Variants in COG3 observed in about 807,000 individuals in gnomAD.
COG3 encodes the protein conserved oligomeric Golgi complex subunit 3.
In COG3, 32 loss-of-function variants were observed where a neutral mutation model predicts 114.1. The ratio of observed to expected loss-of-function variants is 0.28; its 90% CI spans 0.21 to 0.38. COG3 has a LOEUF of 0.38. Among genes scored for constraint, COG3 ranks in the 10% least tolerant of loss-of-function variants. COG3 has a pLI of 1.00. For synonymous variants in COG3, 352 were observed against 365.7 expected (o/e 0.96, Z 0.43); for missense variants, 813 against 973.2 (o/e 0.84, Z 2.19).
In COG3 at chr13:45,465,083, G is replaced by A; in HGVS notation, c.47G>A (p.Arg16Gln). 1 of 1,606,634 alleles carries A rather than the reference G, an allele frequency of 6.2e-7. No homozygotes were observed. Among genetic ancestry groups the A allele is most frequent in the Non-Finnish European group, 8.5e-7 (1 of 1,177,528 alleles). The change falls in exon 1 of 23, where the codon CGG becomes CAG. Residue 16 changes from arginine (R) to glutamine (Q), a missense_variant. Arg to Gln is a conservative substitution (Grantham distance 43, BLOSUM62 1). Coordinates refer to ENST00000349995, the MANE Select transcript of COG3 (RefSeq NM_031431.4). The stretch of plus-strand genomic sequence containing the variant: ...CTGCTGCCTGAGGCGGCGGCGGAGC[G>A]GGACGCTAGGGAAAAGCTGGCTCTC... ...LLLLPEAAAERDAREKLALWD... is the reference protein window; with the variant it reads ...LLLLPEAAAEQDAREKLALWD...
intron 6 of COG3, 76 bp from the exon 7 acceptor site, chr13:45,483,154 A>G (rs759831746): frequency 2.8e-6 from 3 of 1,054,060 alleles, no homozygotes; most frequent in Non-Finnish European, 4.1e-6. Context: ...ACATAGGGAC[A>G]CCTTGGTTTT....
chr13:45,493,726 T>G (rs1449784125), intron 12 of COG3: 2 of 278,768 alleles, frequency 7.2e-6, no homozygotes, highest in Non-Finnish European at 1.3e-5. Context: ...TATAGTCAGT[T>G]TTCTTTCTGG....
Position 45,518,744 on chromosome 13 carries a change from A to G in COG3, c.1931-18A>G, listed in dbSNP as rs547117459. On this transcript the variant is annotated intron_variant, in intron 17 of 22. Coordinates refer to ENST00000349995, the MANE Select transcript of COG3 (RefSeq NM_031431.4). The stretch of plus-strand genomic sequence containing the variant: ...TGAAACTTTACATGTTCACTGGATG[A>G]GTAATTTTGTTTCACAGATGCAGCA... 1 of 1,588,212 alleles carries G rather than the reference A, an allele frequency of 6.3e-7. No homozygotes were observed. Among genetic ancestry groups the G allele is most frequent in the South Asian group, 1.1e-5 (1 of 89,360 alleles).
intron 19 of COG3, among the ~76,000 whole-genome samples, chr13:45,519,481 T>C (rs995341495): frequency 6.6e-6 from 1 of 152,186 alleles, no homozygotes; most frequent in African/African-American, 2.4e-5. Flanking sequence ...GGTGATTTGT[T>C]TTCCTCTTTG....
chr13:45,492,192 T>C lies in COG3; in HGVS notation c.1129T>C (p.Cys377Arg). 1 of 1,611,280 alleles carries C rather than the reference T, an allele frequency of 6.2e-7. No individual in the cohort carries two copies. Among genetic ancestry groups the C allele is most frequent in the Non-Finnish European group, 8.5e-7 (1 of 1,178,720 alleles). ...RSGCAFMVHV[C>R]QDEHQLYNEF... ...TGGCTGTGCCTTCATGGTTCATGTC[T>C]GCCAGGATGAACACCAACTTTACAA... Residue 377 changes from cysteine (C) to arginine (R), a missense_variant, in exon 11 of 23, where the codon TGC becomes CGC. This residue lies in a region of COG3 where 389 missense variants were observed against 542.6 expected (regional missense o/e 0.72). Transcript: ENST00000349995.
chr13:45,527,792 T>C (rs192064770), intron 20 of COG3, among the ~76,000 whole-genome samples: 22 of 152,288 alleles, frequency 1.4e-4, no homozygotes, highest in Non-Finnish European at 2.8e-4. Context: ...GTGTTAGTAA[T>C]GATAGAACCA....
intron 15 of COG3, among the ~76,000 whole-genome samples, 164 bp downstream of exon 15, chr13:45,509,980 A>T (rs905313513): frequency 2.6e-5 from 4 of 152,218 alleles, no homozygotes; most frequent in Admixed American, 1.3e-4. Flanking sequence ...TCTAACCTGA[A>T]CTTTCTATAG....
rs138783665 is a variant in COG3, at chr13:45,472,705, C to T, written c.175-3496C>T. On this transcript the variant is annotated intron_variant, in intron 1 of 22. Coordinates refer to ENST00000349995, the MANE Select transcript of COG3 (RefSeq NM_031431.4). ...TCACATTTCCATTTGACACAGTTTT[C>T]AGTTTTCTGTTGAAATTGTGTATCT... Among the ~76,000 whole-genome samples, 1,340 of 152,204 alleles carry T rather than the reference C, an allele frequency of 8.8e-3. 27 individuals carry two copies. Among genetic ancestry groups the T allele is most frequent in the African/African-American group, 0.03 (1,238 of 41,540 alleles).
chr13:45,509,895 G>A (rs1870666206), intron 15 of COG3, 79 bp downstream of exon 15: 1 of 1,333,378 alleles, frequency 7.5e-7, no homozygotes, highest in Admixed American at 2.2e-5. Context: ...TCTTGATAAA[G>A]TATTTTGTTG....
intron 21 of COG3, among the ~76,000 whole-genome samples, 159 bp from the exon 22 acceptor site, chr13:45,530,523 C>G (rs1219113996): frequency 6.6e-6 from 1 of 152,118 alleles, no homozygotes; most frequent in African/African-American, 2.4e-5. Flanking sequence ...CAGGTCATGC[C>G]AGCACTGAAA....
chr13:45,521,577 G>GCACACACACACA lies in COG3; in HGVS notation c.2154+2497_2154+2508dup, dbSNP rs3084002. On this transcript the variant is annotated intron_variant, in intron 19 of 22. Transcript: ENST00000349995. ...GAGTCAGAGACAAAGATACATACGT[G>GCACACACACACA]CACACACACACACACACACACACAC... is the stretch of plus-strand genomic sequence containing the variant. Among the ~76,000 whole-genome samples, 1,143 of 148,466 alleles carry GCACACACACACA rather than the reference G, an allele frequency of 7.7e-3. 10 individuals carry two copies. Among genetic ancestry groups the GCACACACACACA allele is most frequent in the African/African-American group, 0.025 (1,017 of 40,652 alleles).
At chr13:45,533,761 C>G (rs1344601497) in intron 22 of COG3, among the ~76,000 whole-genome samples, 1 of 152,190 alleles carries the variant, frequency 6.6e-6, no homozygotes, top group Non-Finnish European at 1.5e-5. Flanking sequence ...AGTTAGACAG[C>G]CTTTCTTGAC....
rs1467904162 is a variant in COG3, at chr13:45,529,918, G to A, written c.2358G>A (p.Arg786=). 6.2e-7 allele frequency: 1 copy of A among 1,604,402 alleles called. No individual in the cohort carries two copies. The highest frequency in any genetic ancestry group is 1.3e-5 in the African/African-American group (1 of 74,492). Residue 786 remains arginine, a splice_region_variant and synonymous_variant, in exon 21 of 23, where the codon AGG becomes AGA. Transcript: ENST00000349995. ...DTEFILFKPV[R]NNIQQVFQKF... ...AGTTCATCTTGTTTAAACCTGTGAGGGTGAGTATCAGATAACTCATTTGAA... is the reference window on the plus strand; with the variant it reads ...AGTTCATCTTGTTTAAACCTGTGAGAGTGAGTATCAGATAACTCATTTGAA...
intron 15 of COG3, 55 bp from the exon 16 acceptor site, chr13:45,511,709 CT>C (rs201085627): frequency 5.3e-4 from 681 of 1,281,406 alleles, no homozygotes; most frequent in Non-Finnish European, 6.1e-4. Flanking sequence ...TAGGATATTC[CT>C]TTTTTTTTGT....
rs41289559 is a variant in COG3 at position 45,483,374 on chromosome 13, A to G, written c.843+19A>G. 42,418 of 1,535,942 alleles carry G rather than the reference A, an allele frequency of 0.028. 3,952 individuals carry two copies. The African/African-American group carries it at 0.31, about 11-fold the overall frequency. On this transcript the variant is annotated intron_variant, in intron 7 of 22. Transcript: ENST00000349995. Reference sequence around the variant, plus strand: ...GAAAAGGGTGAGTTAACTGATCTCAACAACAGGTTTTTGTTATTGTTGTTG... The same window carrying G: ...GAAAAGGGTGAGTTAACTGATCTCAGCAACAGGTTTTTGTTATTGTTGTTG...
intron 20 of COG3, among the ~76,000 whole-genome samples, chr13:45,528,122 T>C (rs894090795): frequency 6.6e-6 from 1 of 152,188 alleles, no homozygotes; most frequent in Non-Finnish European, 1.5e-5. Context: ...TTAAAGATAA[T>C]AATATTGATT....
rs1885862670 is a variant in COG3 at position 45,476,357 on chromosome 13, A to G, written c.321+10A>G. 1.2e-6 allele frequency: 2 copies of G among 1,612,424 alleles called. No individual in the cohort carries two copies. The highest frequency in any genetic ancestry group is 1.7e-5 in the Admixed American group (1 of 59,936). On this transcript the variant is annotated intron_variant, in intron 2 of 22. Coordinates refer to ENST00000349995, the MANE Select transcript of COG3 (RefSeq NM_031431.4). ...TGAAACCGCACAGCAGGTGAATTGC[A>G]GTATCTTTTCTAAGGATGTTTGATT...
intron 14 of COG3, among the ~76,000 whole-genome samples, chr13:45,509,456 G>C (rs1294696359): frequency 6.6e-6 from 1 of 152,202 alleles, no homozygotes; most frequent in African/African-American, 2.4e-5. Context: ...TATATATGAA[G>C]CTGGAATGTA....
Position 45,465,055 on chromosome 13 carries a change from T to A in COG3, c.19T>A (p.Leu7Met), listed in dbSNP as rs1182549898. The A allele has an allele frequency of 6.3e-7, 1 of 1,586,328 alleles. No homozygotes were observed. Among genetic ancestry groups the A allele is most frequent in the East Asian group, 2.3e-5 (1 of 43,442 alleles). MAEAAL[L>M]LLPEAAAERD... ...GGCGGCGATGGCGGAGGCGGCGCTG[T>A]TGCTGCTGCCTGAGGCGGCGGCGGA... Residue 7 changes from leucine (L) to methionine (M), a missense_variant, in exon 1 of 23, where the codon TTG becomes ATG. Leu to Met is a conservative substitution (Grantham distance 15). Transcript: ENST00000349995.
Sources: gnomAD v4.1 joint callset for allele counts (sites outside exome capture counted in the v4.1 genomes callset) on GRCh38, gnomAD v4.1.1 for gene constraint, gnomAD v4.1.1 regional missense constraint, MANE v1.5 for transcripts, NCBI Gene and HGNC (gene_info 2026-07-23, HGNC 2026-07-21) for gene names.